The following CPEB4 variants were observed in gnomAD, a reference collection of about 807,000 sequenced individuals.
The protein encoded by CPEB4 is cytoplasmic polyadenylation element-binding protein 4.
Under a neutral mutation model 72.5 loss-of-function variants are expected in CPEB4, and 12 were observed. The ratio of observed to expected loss-of-function variants is 0.17; its 90% CI spans 0.11 to 0.27. CPEB4 has a LOEUF of 0.27. CPEB4 is among the 10% of genes least tolerant of loss of function. The pLI is 1.00. For missense variants in CPEB4, 614 were observed against 908.5 expected (o/e 0.68, Z 4.17); for synonymous variants, 302 against 326.3 (o/e 0.93, Z 0.80).
At chr5:173,914,426 C>T (rs901983907) in intron 2 of CPEB4, among the ~76,000 whole-genome samples, 12 of 152,148 alleles carry the variant, frequency 7.9e-5, no homozygotes, top group African/African-American at 2.9e-4. Context: ...ATAAAATACT[C>T]TTCTAGTGCT....
At chr5:173,910,484 C>T (rs749028069) in intron 1 of CPEB4, 39 bp from the exon 2 acceptor site, 1 of 1,372,718 alleles carries the variant, frequency 7.3e-7, no homozygotes, top group Non-Finnish European at 1.0e-6. Flanking sequence ...TATTTAAATG[C>T]TATTTTAAAA....
intron 2 of CPEB4, among the ~76,000 whole-genome samples, chr5:173,915,629 G>A (rs1394308999): frequency 1.3e-5 from 2 of 152,204 alleles, no homozygotes; most frequent in African/African-American, 2.4e-5. Context: ...GTGGCAGCTT[G>A]TGCATTGCTA....
intron 5 of CPEB4, among the ~76,000 whole-genome samples, chr5:173,946,814 A>T (rs1202439485): frequency 6.6e-6 from 1 of 152,088 alleles, no homozygotes; most frequent in African/African-American, 2.4e-5. Context: ...AACCAGTACA[A>T]CTTCCATGTT....
At chr5:173,922,013 G>A (rs1757090137) in intron 2 of CPEB4, among the ~76,000 whole-genome samples, 1 of 152,106 alleles carries the variant, frequency 6.6e-6, no homozygotes, top group Admixed American at 6.5e-5. Context: ...AAAAGAATTG[G>A]AGATCCCAAA....
Position 173,958,605 on chromosome 5 carries a change from A to C in CPEB4, c.*2468A>C, listed in dbSNP as rs1758449359. ...CTTCCCCAGCACCAGCTATTGGTGT[A>C]CCTATAATTTAAGAAATAGTCTATG... On this transcript the variant is annotated 3_prime_UTR_variant, in exon 10 of 10. Coordinates refer to ENST00000265085, the MANE Select transcript of CPEB4 (RefSeq NM_030627.4). 6.5e-6 allele frequency: 1 copy of C among 152,714 alleles called. No individual in the cohort carries two copies. Among genetic ancestry groups the C allele is most frequent in the South Asian group, 2.1e-4 (1 of 4,836 alleles). The allele number at this position is 152,714 out of a possible 1,614,324, so 9.5% of individuals were successfully genotyped here. A position where few individuals can be genotyped will look rare whatever the true frequency, so the allele number is the denominator to read the frequency against.
In CPEB4 at chr5:173,893,990, TTTTG is replaced by T. The variant is rs376223661; in HGVS notation, c.1125+3144_1125+3147del. Among the ~76,000 whole-genome samples the T allele has an allele frequency of 9.9e-5, 15 of 152,206 alleles. No homozygotes were observed. The South Asian group carries it at 1.7e-3, about 17-fold the overall frequency. On this transcript the variant is annotated intron_variant, in intron 1 of 9. Transcript: ENST00000265085. ...TCAGAGGGCATCACTCAAATCCTGA[TTTTG>T]TTTGTTTGTTTCTTTTAAGACAGGG...
At chr5:173,944,013 A>C (rs1450951853) in intron 4 of CPEB4, among the ~76,000 whole-genome samples, 2 of 152,156 alleles carry the variant, frequency 1.3e-5, no homozygotes, top group Non-Finnish European at 2.9e-5. Context: ...TTAAAAGTTT[A>C]TATTTTGCTG....
intron 2 of CPEB4, among the ~76,000 whole-genome samples, chr5:173,926,477 G>T (rs569700588): frequency 6.6e-6 from 1 of 152,162 alleles, no homozygotes; most frequent in African/African-American, 2.4e-5. Flanking sequence ...CCTAGTTGAC[G>T]TATGGATCTT....
intron 1 of CPEB4, among the ~76,000 whole-genome samples, chr5:173,906,212 C>G (rs939311179): frequency 6.6e-6 from 1 of 152,168 alleles, no homozygotes; most frequent in African/African-American, 2.4e-5. Flanking sequence ...TTGACTCTTT[C>G]GTTGTTGCAT....
At chr5:173,891,124 A>G (rs1246148881) in intron 1 of CPEB4, among the ~76,000 whole-genome samples, 1 of 150,594 alleles carries the variant, frequency 6.6e-6, no homozygotes, top group Non-Finnish European at 1.5e-5. Flanking sequence ...ATTATTAACT[A>G]TAATACCTTT....
At chr5:173,908,767 G>A (rs1756536252) in intron 1 of CPEB4, among the ~76,000 whole-genome samples, 1 of 152,084 alleles carries the variant, frequency 6.6e-6, no homozygotes, top group African/African-American at 2.4e-5. Context: ...AAAAATGAAG[G>A]GGATACAATT....
At position 173,889,897 on chromosome 5, in the gene CPEB4, G is replaced by C. The variant is rs1581100598; in HGVS notation, c.164G>C (p.Ser55Thr). 6.2e-7 allele frequency: 1 copy of C among 1,614,176 alleles called. No homozygotes were observed. Among genetic ancestry groups the C allele is most frequent in the Non-Finnish European group, 8.5e-7 (1 of 1,180,024 alleles). ...AATAACACAGCTGCCAATGGCAGCAGTGCTGGGTCAGCTTGGCTTTTTCCT... is the reference window on the plus strand; with the variant it reads ...AATAACACAGCTGCCAATGGCAGCACTGCTGGGTCAGCTTGGCTTTTTCCT... ...INNNTAANGS[S>T]AGSAWLFPAP... is the part of the protein sequence containing the mutation. Residue 55 changes from serine to threonine, a missense_variant, in exon 1 of 10, where the codon AGT becomes ACT. By Grantham distance (58) the Ser-to-Thr change is moderately conservative. This residue lies in a region of CPEB4 where 458 missense variants were observed against 548.6 expected (regional missense o/e 0.83). Transcript: ENST00000265085.
At chr5:173,944,942 G>T (rs372079399) in intron 4 of CPEB4, 25 bp from the exon 5 acceptor site, 2 of 1,582,508 alleles carry the variant, frequency 1.3e-6, no homozygotes, top group South Asian at 1.1e-5. Context: ...TTCTGTTACC[G>T]TTTTTTCCCT....
Position 173,949,949 on chromosome 5 carries a change from C to CT in CPEB4, c.1547-5dup, listed in dbSNP as rs748608850. On this transcript the variant is annotated splice_polypyrimidine_tract_variant and intron_variant, in intron 6 of 9. Coordinates refer to ENST00000265085, the MANE Select transcript of CPEB4 (RefSeq NM_030627.4). The stretch of plus-strand genomic sequence containing the variant: ...GAAAACATGTAAGCCTTCTTTCCCC[C>CT]TTTTTTCCAGGCTATGCATTCCTGC... 10 of 1,574,170 alleles carry CT rather than the reference C, an allele frequency of 6.4e-6. No homozygotes were observed. The South Asian group carries it at 7.9e-5, about 12-fold the overall frequency.
At chr5:173,911,419 C>T (rs1464194032) in intron 2 of CPEB4, among the ~76,000 whole-genome samples, 9 of 152,076 alleles carry the variant, frequency 5.9e-5, no homozygotes, top group South Asian at 2.1e-4. Context: ...CCCACTACCA[C>T]GCCCGGCTCA....
intron 3 of CPEB4, among the ~76,000 whole-genome samples, chr5:173,935,234 G>A (rs575781098): frequency 6.6e-6 from 1 of 152,320 alleles, no homozygotes; most frequent in Admixed American, 6.5e-5. Context: ...ATTAATATGA[G>A]TTTGCAAAAA....
rs1041333995 is a variant in CPEB4 at position 173,961,756 on chromosome 5, A to G, written c.*5619A>G. ...TTAAGTTTGGGAAATAGTTTGATCA[A>G]AAGTCATGGGGAAAGTAATCTCTGA... On this transcript the variant is annotated 3_prime_UTR_variant, in exon 10 of 10. Transcript: ENST00000265085. 2.0e-5 allele frequency: 3 copies of G among 151,946 alleles called. No homozygotes were observed. The highest frequency in any genetic ancestry group is 7.2e-5 in the African/African-American group (3 of 41,390). The allele number at this position is 151,946 out of a possible 1,614,324, so 9.4% of individuals were successfully genotyped here.
rs1288943998 is a variant in CPEB4, at chr5:173,959,144, G to T, written c.*3007G>T. 7.0e-6 allele frequency: 1 copy of T among 142,288 alleles called. No homozygotes were observed. Among genetic ancestry groups the T allele is most frequent in the African/African-American group, 2.4e-5 (1 of 41,192 alleles). The allele number at this position is 142,288 out of a possible 1,614,324, so 8.8% of individuals were successfully genotyped here. On this transcript the variant is annotated 3_prime_UTR_variant, in exon 10 of 10. Transcript: ENST00000265085. ...ATAATTAACATGTAATTAGTTTACA[G>T]ATTGTAGGGCATCACTTCAATTCAC...
In CPEB4 at chr5:173,889,815, C is replaced by A; in HGVS notation, c.82C>A (p.Leu28Met). ...SAFPVRFHPHLQPPHHHQNAT... is the reference protein window; with the variant it reads ...SAFPVRFHPHMQPPHHHQNAT... ...TTTTCCAGTCAGATTCCATCCACAT[C>A]TGCAGCCTCCACACCATCACCAAAA... is the stretch of plus-strand genomic sequence containing the variant. The change falls in exon 1 of 10, where the codon CTG becomes ATG. Residue 28 changes from leucine (L) to methionine (M), a missense_variant. By Grantham distance (15) the Leu-to-Met change is conservative (BLOSUM62 2). Transcript: ENST00000265085. 6.2e-7 allele frequency: 1 copy of A among 1,614,184 alleles called. No homozygotes were observed. The highest frequency in any genetic ancestry group is 8.5e-7 in the Non-Finnish European group (1 of 1,180,012).
Sources: allele counts gnomAD v4.1 joint callset (sites outside exome capture counted in the v4.1 genomes callset), GRCh38; gene constraint gnomAD v4.1.1; regional missense constraint gnomAD v4.1.1; transcripts MANE v1.5; gene names NCBI Gene and HGNC (gene_info 2026-07-23, HGNC 2026-07-21).